FMO5: variants seen among roughly 807,000 people sequenced by gnomAD.
The protein encoded by FMO5 is flavin-containing monooxygenase 5.
FMO5 carries 51 observed loss-of-function variants against 43.6 expected under a neutral mutation model. The observed-to-expected ratio is 1.17, with a 90% CI of 0.93 to 1.48. The LOEUF (loss-of-function observed/expected upper bound fraction) is 1.48. Ranked by LOEUF, FMO5 falls within the 40% of genes most tolerant of loss-of-function variation. The pLI, the probability that FMO5 is intolerant of heterozygous loss-of-function variation, is 0.00. For synonymous variants in FMO5, 187 were observed against 216.5 expected (o/e 0.86, Z 1.20); for missense variants, 644 against 643.0 (o/e 1.00, Z -0.02).
At chr1:147,184,437 A>C, downstream of FMO5, 1 of 1,395,998 alleles carries the variant, frequency 7.2e-7, no homozygotes, top group East Asian at 2.7e-5. This position sits in a 1 kb window ranked among gnomAD's most constrained non-coding sequence, Gnocchi z 4.4. Flanking sequence ...ATTTTTACTT[A>C]AAGTTCTTTT....
At chr1:147,193,671 G>A (rs1657353429) in intron 7 of FMO5, among the ~76,000 whole-genome samples, 1 of 152,122 alleles carries the variant, frequency 6.6e-6, no homozygotes, top group Non-Finnish European at 1.5e-5. Flanking sequence ...TCTACACACT[G>A]CTTTAAATGT....
chr1:147,194,774 T>A (rs1657642754), intron 7 of FMO5, among the ~76,000 whole-genome samples: 1 of 151,956 alleles, frequency 6.6e-6, no homozygotes, highest in Non-Finnish European at 1.5e-5. Context: ...TGAAGCTTAG[T>A]TTGGCTGGAT....
At chr1:147,197,385 T>C (rs1300509153) in intron 7 of FMO5, among the ~76,000 whole-genome samples, 1 of 152,100 alleles carries the variant, frequency 6.6e-6, no homozygotes, top group Non-Finnish European at 1.5e-5. Context: ...AATGAACAAA[T>C]CATTAAGCGT....
At chr1:147,184,345 T>C, downstream of FMO5, 1 of 840,320 alleles carries the variant, frequency 1.2e-6, no homozygotes, top group East Asian at 3.3e-5. The surrounding 1 kb of genome is among the most constrained non-coding windows in gnomAD (Gnocchi z 4.4). Context: ...CATTTTACAT[T>C]CCTCTGGTAC....
chr1:147,217,407 T>A (rs1662208988), intron 2 of FMO5, among the ~76,000 whole-genome samples: 2 of 152,324 alleles, frequency 1.3e-5, no homozygotes, highest in South Asian at 4.1e-4. Context: ...TTGTTTTGAC[T>A]ATGGAAAATC....
At chr1:147,203,565 A>G in intron 6 of FMO5, 3 of 988,116 alleles carry the variant, frequency 3.0e-6, no homozygotes, top group South Asian at 1.3e-5. Flanking sequence ...AGTTTTCTCC[A>G]GAGTATTTCT....
At chr1:147,213,971 G>T (rs1377294312) in intron 3 of FMO5, among the ~76,000 whole-genome samples, 1 of 152,010 alleles carries the variant, frequency 6.6e-6, no homozygotes, top group Non-Finnish European at 1.5e-5. Flanking sequence ...TTATATAAAT[G>T]AATCTCCCTT....
intron 3 of FMO5, chr1:147,214,720 T>C (rs997095935): frequency 6.6e-6 from 1 of 152,092 alleles, no homozygotes; most frequent in Non-Finnish European, 1.5e-5. Context: ...CTGCAACGTA[T>C]AGATCTCTAG....
chr1:147,195,961 G>A (rs1322612926), intron 7 of FMO5, among the ~76,000 whole-genome samples: 1 of 152,092 alleles, frequency 6.6e-6, no homozygotes, highest in Admixed American at 6.5e-5. Flanking sequence ...TTGACCCCAA[G>A]ATCTGACTCT....
Position 147,208,932 on chromosome 1 carries a change from T to G in FMO5, c.750A>C (p.Gln250His). ...TTTCCAAATATTTGTTTGCTAATGA[T>G]TGGCCACAGATCTTCCATATAAAAT... ...LTHFIWKICGQSLANKYLEKK... is the reference protein window; with the variant it reads ...LTHFIWKICGHSLANKYLEKK... The change falls in exon 6 of 9, where the codon CAA becomes CAC. Residue 250 changes from glutamine (Q) to histidine (H), a missense_variant. Transcript: ENST00000254090. 5 of 1,614,162 alleles carry G rather than the reference T, an allele frequency of 3.1e-6. No homozygotes were observed. Among genetic ancestry groups the G allele is most frequent in the Non-Finnish European group, 3.4e-6 (4 of 1,179,998 alleles).
chr1:147,193,018 C>A (rs1211259294), intron 7 of FMO5, among the ~76,000 whole-genome samples: 6 of 152,102 alleles, frequency 3.9e-5, no homozygotes, highest in African/African-American at 7.3e-5. Context: ...ATGATGCTGG[C>A]CTCATAAAAT....
chr1:147,209,355 G>A (rs1314967227), intron 5 of FMO5, among the ~76,000 whole-genome samples: 2 of 144,594 alleles, frequency 1.4e-5, no homozygotes, highest in Non-Finnish European at 3.0e-5. Flanking sequence ...GGAGAATGGC[G>A]TCAACCTGGG....
At chr1:147,206,928 T>C (rs1660197011) in intron 6 of FMO5, among the ~76,000 whole-genome samples, 1 of 151,946 alleles carries the variant, frequency 6.6e-6, no homozygotes, top group East Asian at 1.9e-4. Flanking sequence ...GAACTTAAAG[T>C]ATAATAAAAA....
rs1353231634 is a variant in FMO5 at position 147,215,777 on chromosome 1, G to T, written c.301C>A (p.Leu101Ile). 4 of 1,607,572 alleles carry T rather than the reference G, an allele frequency of 2.5e-6. No individual in the cohort carries two copies. The African/African-American group carries it at 5.4e-5, about 22-fold the overall frequency. ...YFRMYAKEFDLLKYIRFKTTV... is the reference protein window; with the variant it reads ...YFRMYAKEFDILKYIRFKTTV... Reference sequence around the variant, plus strand: ...ACCTTAAATCGAATATACTTTAGAAGGTCAAATTCTTTGGCATACATCCTG... The same window carrying T: ...ACCTTAAATCGAATATACTTTAGAATGTCAAATTCTTTGGCATACATCCTG... The change falls in exon 3 of 9, where the codon CTT becomes ATT. Residue 101 changes from leucine (L) to isoleucine (I), a missense_variant. Coordinates refer to ENST00000254090, the MANE Select transcript of FMO5 (RefSeq NM_001461.4).
intron 2 of FMO5, chr1:147,223,952 C>A: frequency 2.6e-6 from 1 of 381,836 alleles, no homozygotes; most frequent in Non-Finnish European, 5.1e-6. Flanking sequence ...CGAGACACCA[C>A]CCGTCTTTCC....
intron 6 of FMO5, among the ~76,000 whole-genome samples, chr1:147,202,617 C>T (rs1553921309): frequency 2.0e-5 from 3 of 152,100 alleles, no homozygotes; most frequent in Non-Finnish European, 4.4e-5. Flanking sequence ...AGCACCTGGC[C>T]TAAAAAGTAG....
chr1:147,225,253 G>GCACTCTCAGCT, intron 1 of FMO5, 34 bp downstream of exon 1: 3 of 1,227,642 alleles, frequency 2.4e-6, no homozygotes, highest in Non-Finnish European at 3.2e-6. Context: ...AAGACCCAGA[G>GCACTCTCAGCT]CTGAGAGTGC....
chr1:147,204,004 C>G lies in FMO5; in HGVS notation c.831-2500G>C, dbSNP rs879974066. On this transcript the variant is annotated intron_variant, in intron 6 of 8. Transcript: ENST00000254090. ...ATTTTGAGTTTAGCTTCACTAACAT[C>G]ATATTATATTTGTTTGCATAATGAA... 4 of 1,162,712 alleles carry G rather than the reference C, an allele frequency of 3.4e-6. No homozygotes were observed. The Admixed American group carries it at 6.7e-5, about 20-fold the overall frequency. The allele number at this position is 1,162,712 out of a possible 1,614,324, so 72.0% of individuals were successfully genotyped here. A position where few individuals can be genotyped will look rare whatever the true frequency, so the allele number is the denominator to read the frequency against.
intron 7 of FMO5, among the ~76,000 whole-genome samples, chr1:147,200,813 T>A (rs587708870): frequency 4.3e-4 from 65 of 152,282 alleles, no homozygotes; most frequent in African/African-American, 1.5e-3. Flanking sequence ...TTGCCTAAAA[T>A]CTAGATGAGT....
Sources: gnomAD v4.1 joint callset for allele counts (sites outside exome capture counted in the v4.1 genomes callset) on GRCh38, gnomAD v4.1.1 for gene constraint, Gnocchi (gnomAD v3.1) non-coding constraint, MANE v1.5 for transcripts, NCBI Gene and HGNC (gene_info 2026-07-23, HGNC 2026-07-21) for gene names.